Variants in OSBPL3 observed in about 807,000 individuals in gnomAD.
OSBPL3 encodes oxysterol binding protein like 3, also known as oxysterol-binding protein-related protein 3.
In OSBPL3, 65 loss-of-function variants were observed where a neutral mutation model predicts 120.1. The ratio of observed to expected loss-of-function variants is 0.54; its 90% CI spans 0.44 to 0.67. OSBPL3 has a LOEUF of 0.67. Among genes scored for constraint, OSBPL3 ranks in the 30% least tolerant of loss-of-function variants. The pLI is 0.00. For synonymous variants in OSBPL3, 416 were observed against 402.6 expected (o/e 1.03, Z -0.40); for missense variants, 1,004 against 1,082.1 (o/e 0.93, Z 1.01).
chr7:24,818,776 AG>A lies in OSBPL3; in HGVS notation c.1948+1398del, dbSNP rs2128136239. On this transcript the variant is annotated intron_variant, in intron 17 of 22. Coordinates refer to ENST00000313367, the MANE Select transcript of OSBPL3 (RefSeq NM_015550.4). The surrounding 1 kb of genome is among the most constrained non-coding windows in gnomAD (Gnocchi z 4.0). Reference sequence around the variant, plus strand: ...TTTACACAACCTACATAAAAGGCAGAGAAATGTCAGGCTGGGTTACAAAGCA... The same window carrying A: ...TTTACACAACCTACATAAAAGGCAGAAAATGTCAGGCTGGGTTACAAAGCA... Among the ~76,000 whole-genome samples, 1 of 152,308 alleles carries A rather than the reference AG, an allele frequency of 6.6e-6. No homozygotes were observed. Among genetic ancestry groups the A allele is most frequent in the Admixed American group, 6.5e-5 (1 of 15,296 alleles).
In OSBPL3 at chr7:24,819,648, T is replaced by C. The variant is rs1280197783; in HGVS notation, c.1948+527A>G. Among the ~76,000 whole-genome samples the C allele has an allele frequency of 6.6e-6, 1 of 152,188 alleles. No individual in the cohort carries two copies. The highest frequency in any genetic ancestry group is 2.4e-5 in the African/African-American group (1 of 41,446). On this transcript the variant is annotated intron_variant, in intron 17 of 22. Transcript: ENST00000313367. This position sits in a 1 kb window ranked among gnomAD's most constrained non-coding sequence, Gnocchi z 4.1. ...TCACTGTCCAAAAACCTAGGATGCT[T>C]ATATGTTCCTTCTACAGTACACTTT...
chr7:24,935,791 C>T (rs1812333573), intron 1 of OSBPL3, among the ~76,000 whole-genome samples: 1 of 151,650 alleles, frequency 6.6e-6, no homozygotes, highest in Non-Finnish European at 1.5e-5. Context: ...TGTATTCTGG[C>T]ATCTATTTTG....
intron 12 of OSBPL3, 105 bp from the exon 13 acceptor site, chr7:24,842,518 A>G (rs1487332816): frequency 2.4e-6 from 2 of 850,252 alleles, no homozygotes; most frequent in Non-Finnish European, 3.6e-6. Flanking sequence ...GGCCCATGCA[A>G]ATAAGCAACT....
At chr7:24,826,267 A>AT (rs1434766123) in intron 16 of OSBPL3, among the ~76,000 whole-genome samples, 1 of 152,104 alleles carries the variant, frequency 6.6e-6, no homozygotes, top group Non-Finnish European at 1.5e-5. Flanking sequence ...GTTGAAACCG[A>AT]TTTTTTGGCA....
At chr7:24,974,775 T>C (rs1413221834) in intron 1 of OSBPL3, among the ~76,000 whole-genome samples, 1 of 152,186 alleles carries the variant, frequency 6.6e-6, no homozygotes, top group Non-Finnish European at 1.5e-5. Flanking sequence ...ACTCCCCTTA[T>C]ATGAAATGTC....
At chr7:24,919,279 A>G (rs1469889752) in intron 1 of OSBPL3, among the ~76,000 whole-genome samples, 1 of 152,192 alleles carries the variant, frequency 6.6e-6, no homozygotes, top group Non-Finnish European at 1.5e-5. Context: ...TACAGGCACC[A>G]AGACAACGTG....
intron 1 of OSBPL3, among the ~76,000 whole-genome samples, chr7:24,915,896 A>G (rs1809491602): frequency 6.6e-6 from 1 of 152,180 alleles, no homozygotes; most frequent in South Asian, 2.1e-4. Context: ...TAAGAATGAA[A>G]AGCCATAGTA....
intron 10 of OSBPL3, among the ~76,000 whole-genome samples, chr7:24,861,239 T>C (rs1007152476): frequency 6.6e-6 from 1 of 152,222 alleles, no homozygotes. Flanking sequence ...TTTGTTTGGA[T>C]AAATTCTAAG....
chr7:24,981,187 T>C (rs966645824), upstream of OSBPL3, among the ~76,000 whole-genome samples: 1 of 152,010 alleles, frequency 6.6e-6, no homozygotes, highest in East Asian at 1.9e-4. The surrounding 1 kb of genome is among the most constrained non-coding windows in gnomAD (Gnocchi z 7.3). Flanking sequence ...TGACAGACTG[T>C]TAGTACTGAG....
rs1453513694 is a variant in OSBPL3 at position 24,936,396 on chromosome 7, C to A, written c.-150+43490G>T. On this transcript the variant is annotated intron_variant, in intron 1 of 22. Coordinates refer to ENST00000313367, the MANE Select transcript of OSBPL3 (RefSeq NM_015550.4). This position sits in a 1 kb window ranked among gnomAD's most constrained non-coding sequence, Gnocchi z 4.2. Reference sequence around the variant, plus strand: ...ATGCAAAGGTTCTCCAAGACCTCAACATGCACAAGACAAAGATCTTGCTCT... The same window carrying A: ...ATGCAAAGGTTCTCCAAGACCTCAAAATGCACAAGACAAAGATCTTGCTCT... Among the ~76,000 whole-genome samples the A allele has an allele frequency of 6.6e-6, 1 of 152,200 alleles. No homozygotes were observed. The highest frequency in any genetic ancestry group is 2.4e-5 in the African/African-American group (1 of 41,456).
chr7:24,945,564 A>G (rs1347805383), intron 1 of OSBPL3, among the ~76,000 whole-genome samples: 2 of 152,270 alleles, frequency 1.3e-5, no homozygotes, highest in Non-Finnish European at 2.9e-5. Flanking sequence ...ATTTGAACAC[A>G]ATGATTCCAA....
chr7:24,978,555 A>C (rs924210119), intron 1 of OSBPL3, among the ~76,000 whole-genome samples: 6 of 152,200 alleles, frequency 3.9e-5, no homozygotes, highest in African/African-American at 1.4e-4. Context: ...GCTTGGATGC[A>C]TAAGAACCTA....
intron 10 of OSBPL3, among the ~76,000 whole-genome samples, chr7:24,860,307 C>A (rs1288707648): frequency 2.0e-5 from 3 of 152,162 alleles, no homozygotes; most frequent in Non-Finnish European, 4.4e-5. Flanking sequence ...TGGAACCCTA[C>A]AGATATGGTT....
intron 2 of OSBPL3, among the ~76,000 whole-genome samples, chr7:24,878,640 G>T (rs1803194271): frequency 6.6e-6 from 1 of 152,136 alleles, no homozygotes; most frequent in African/African-American, 2.4e-5. Flanking sequence ...TGGAGTTGTT[G>T]TTTCTTGTTA....
intron 1 of OSBPL3, among the ~76,000 whole-genome samples, chr7:24,911,902 G>A (rs1377017067): frequency 6.6e-6 from 1 of 152,174 alleles, no homozygotes; most frequent in Non-Finnish European, 1.5e-5. Flanking sequence ...AGGTGGGGTG[G>A]TTACTGGTAG....
chr7:24,919,838 C>T (rs1284197995), intron 1 of OSBPL3, among the ~76,000 whole-genome samples: 3 of 151,324 alleles, frequency 2.0e-5, no homozygotes, highest in African/African-American at 7.3e-5. Context: ...ATATTTTAAA[C>T]AGGCATATAA....
At position 24,849,242 on chromosome 7, in the gene OSBPL3, G is replaced by C. The variant is rs979959362; in HGVS notation, c.1159-66C>G. On this transcript the variant is annotated intron_variant, in intron 11 of 22. Coordinates refer to ENST00000313367, the MANE Select transcript of OSBPL3 (RefSeq NM_015550.4). The surrounding 1 kb of genome is among the most constrained non-coding windows in gnomAD (Gnocchi z 5.4). ...ATGTTTCAGAAAAGCACAGCAGTGG[G>C]CCCTGCAGGAGCGATCTCTAAGAGC... is the stretch of plus-strand genomic sequence containing the variant. The C allele has an allele frequency of 2.4e-6, 3 of 1,227,920 alleles. No homozygotes were observed. In the Admixed American group the frequency reaches 5.3e-5, roughly 22 times the overall value. The allele number at this position is 1,227,920 out of a possible 1,614,324, so 76.1% of individuals were successfully genotyped here.
chr7:24,945,289 T>C (rs1348921988), intron 1 of OSBPL3, among the ~76,000 whole-genome samples: 1 of 152,204 alleles, frequency 6.6e-6, no homozygotes. Context: ...TCTTTCTCCA[T>C]CCTATTCACT....
In OSBPL3 at chr7:24,940,983, C is replaced by T. The variant is rs1474393414; in HGVS notation, c.-150+38903G>A. On this transcript the variant is annotated intron_variant, in intron 1 of 22. Transcript: ENST00000313367. The surrounding 1 kb of genome is among the most constrained non-coding windows in gnomAD (Gnocchi z 4.4). ...TACAGGCTCCTGCCACTGCGTCCAG[C>T]TAATTTTTTGTATTTTTAGTAGAGA... Among the ~76,000 whole-genome samples the T allele has an allele frequency of 1.3e-5, 2 of 152,012 alleles. No homozygotes were observed. Among genetic ancestry groups the T allele is most frequent in the African/African-American group, 4.8e-5 (2 of 41,370 alleles).
Sources: allele counts gnomAD v4.1 joint callset (sites outside exome capture counted in the v4.1 genomes callset), GRCh38; gene constraint gnomAD v4.1.1; non-coding constraint Gnocchi (gnomAD v3.1); transcripts MANE v1.5; gene names NCBI Gene and HGNC (gene_info 2026-07-23, HGNC 2026-07-21).